Variants in LRMDA observed in about 807,000 individuals in gnomAD.
The protein encoded by LRMDA is leucine rich melanocyte differentiation associated.
A neutral mutation model predicts 29.8 loss-of-function variants in LRMDA; 18 were observed. The ratio of observed to expected loss-of-function variants is 0.60; its 90% CI spans 0.42 to 0.90. The LOEUF (loss-of-function observed/expected upper bound fraction) is 0.90. Ranked by LOEUF, LRMDA falls within the 40% of genes least tolerant of loss-of-function variation. The probability of loss-of-function intolerance (pLI) is 0.00; values close to 1 mark genes in which losing one functional copy is unlikely to be tolerated. For synonymous variants in LRMDA, 125 were observed against 109.4 expected (o/e 1.14, Z -0.89); for missense variants, 273 against 273.9 (o/e 1.00, Z 0.02).
At chr10:76,008,274 G>T (rs1271031939) in intron 2 of LRMDA, among the ~76,000 whole-genome samples, 3 of 152,170 alleles carry the variant, frequency 2.0e-5, no homozygotes, top group Non-Finnish European at 4.4e-5. Flanking sequence ...AAAGGAGCAG[G>T]CCTCCATGGA....
chr10:75,687,942 C>T (rs1842102470), intron 2 of LRMDA, among the ~76,000 whole-genome samples: 1 of 152,170 alleles, frequency 6.6e-6, no homozygotes, highest in South Asian at 2.1e-4. Context: ...CTGTTTACAA[C>T]ATGGTTTACT....
At chr10:75,967,409 A>C (rs905588016) in intron 2 of LRMDA, among the ~76,000 whole-genome samples, 3 of 152,322 alleles carry the variant, frequency 2.0e-5, no homozygotes, top group African/African-American at 4.8e-5. Flanking sequence ...ACATTAAGAG[A>C]GTCCCAGGAG....
chr10:76,147,783 T>C (rs1850357649), intron 5 of LRMDA, among the ~76,000 whole-genome samples: 1 of 152,212 alleles, frequency 6.6e-6, no homozygotes, highest in Non-Finnish European at 1.5e-5. Flanking sequence ...GTTTCCAGTT[T>C]TTCTGGTCTG....
At chr10:75,573,056 CTTAAGCCACCCAG>C (rs1840456613) in intron 2 of LRMDA, among the ~76,000 whole-genome samples, 1 of 152,208 alleles carries the variant, frequency 6.6e-6, no homozygotes. Flanking sequence ...CTGTTTGTTC[CTTAAGCCACCCAG>C]TCTGTGGTGT....
At chr10:75,833,119 A>G (rs1844374713) in intron 2 of LRMDA, among the ~76,000 whole-genome samples, 2 of 152,298 alleles carry the variant, frequency 1.3e-5, no homozygotes, top group Admixed American at 6.5e-5. Context: ...CTTGATGTCT[A>G]GTTTTAGAAT....
chr10:76,365,083 CACATATATATATATATATATATAT>C (rs1564521437), intron 6 of LRMDA, among the ~76,000 whole-genome samples: 2 of 50,938 alleles, frequency 3.9e-5, no homozygotes, highest in African/African-American at 2.2e-4. Context: ...CACACACACA[CACATATATATATATATATATATAT>C]ACACACACAC....
chr10:75,632,171 CAG>C (rs2132113586), intron 2 of LRMDA, among the ~76,000 whole-genome samples: 1 of 152,222 alleles, frequency 6.6e-6, no homozygotes, highest in Non-Finnish European at 1.5e-5. Context: ...TGCCTTTCCA[CAG>C]AGAGAATTTG....
chr10:76,029,695 T>C (rs1848117801), intron 2 of LRMDA, among the ~76,000 whole-genome samples: 1 of 152,238 alleles, frequency 6.6e-6, no homozygotes, highest in South Asian at 2.1e-4. Flanking sequence ...AAAGTTTTCT[T>C]AGTATTCTTA....
At chr10:76,017,808 G>C (rs1471764772) in intron 2 of LRMDA, among the ~76,000 whole-genome samples, 6 of 152,146 alleles carry the variant, frequency 3.9e-5, no homozygotes, top group Admixed American at 2.6e-4. Context: ...TGGCTTCCAG[G>C]GCAGATGTGC....
At chr10:75,628,093 A>G (rs552581173) in intron 2 of LRMDA, among the ~76,000 whole-genome samples, 45 of 152,330 alleles carry the variant, frequency 3.0e-4, no homozygotes, top group Non-Finnish European at 5.0e-4. Context: ...TACAAAGAAG[A>G]CAATAAAACA....
At chr10:75,697,273 T>A (rs1842246954) in intron 2 of LRMDA, among the ~76,000 whole-genome samples, 1 of 152,110 alleles carries the variant, frequency 6.6e-6, no homozygotes, top group Admixed American at 6.5e-5. Context: ...TCTGTTTCAG[T>A]AGAGTTAGAA....
At chr10:75,527,691 T>C (rs1369986488) in intron 2 of LRMDA, among the ~76,000 whole-genome samples, 2 of 147,458 alleles carry the variant, frequency 1.4e-5, no homozygotes, top group Non-Finnish European at 3.0e-5. Flanking sequence ...ATATATAATT[T>C]ATATTATAAT....
At chr10:76,204,439 A>G (rs1297261392) in intron 5 of LRMDA, among the ~76,000 whole-genome samples, 1 of 152,198 alleles carries the variant, frequency 6.6e-6, no homozygotes, top group Non-Finnish European at 1.5e-5. Flanking sequence ...CATATCCACT[A>G]CCTTCTTATT....
chr10:75,609,926 C>A (rs568673251), intron 2 of LRMDA, among the ~76,000 whole-genome samples: 1 of 152,200 alleles, frequency 6.6e-6, no homozygotes, highest in African/African-American at 2.4e-5. Context: ...CAGGACTTGG[C>A]CCAAGTGTGG....
At chr10:75,984,916 GC>G (rs1360245850) in intron 2 of LRMDA, among the ~76,000 whole-genome samples, 1 of 152,116 alleles carries the variant, frequency 6.6e-6, no homozygotes, top group African/African-American at 2.4e-5. Flanking sequence ...CAAGTCCAAG[GC>G]CTGAAAACCT....
chr10:76,081,634 A>G (rs192154977), intron 5 of LRMDA, among the ~76,000 whole-genome samples: 1 of 152,346 alleles, frequency 6.6e-6, no homozygotes, highest in East Asian at 1.9e-4. Flanking sequence ...AGATGAAAGA[A>G]AATTCACCTA....
chr10:75,857,193 C>T (rs1248619019), intron 2 of LRMDA, among the ~76,000 whole-genome samples: 1 of 152,166 alleles, frequency 6.6e-6, no homozygotes, highest in African/African-American at 2.4e-5. Flanking sequence ...GGGAAAAGTC[C>T]CAGCAGATTG....
intron 2 of LRMDA, among the ~76,000 whole-genome samples, chr10:75,465,118 A>T (rs1161251593): frequency 1.3e-5 from 2 of 152,194 alleles, no homozygotes; most frequent in Admixed American, 1.3e-4. Context: ...TTTAAAAGCA[A>T]AACAAGGCTT....
chr10:75,901,949 C>T (rs1219226391), intron 2 of LRMDA, among the ~76,000 whole-genome samples: 2 of 152,170 alleles, frequency 1.3e-5, no homozygotes, highest in Non-Finnish European at 2.9e-5. Context: ...GTGGATATCT[C>T]TCACCAGCCT....
Sources: gnomAD v4.1 joint callset for allele counts (sites outside exome capture counted in the v4.1 genomes callset) on GRCh38, gnomAD v4.1.1 for gene constraint, MANE v1.5 for transcripts, NCBI Gene and HGNC (gene_info 2026-07-23, HGNC 2026-07-21) for gene names.